The following CENPC variants were observed in gnomAD, a reference collection of about 807,000 sequenced individuals.
The protein encoded by CENPC is CENP-C 1.
A neutral mutation model predicts 112.1 loss-of-function variants in CENPC; 63 were observed. That is an observed-to-expected ratio of 0.56 (90% CI 0.46 to 0.69). The LOEUF is 0.69. Ranked by LOEUF, CENPC falls within the 30% of genes least tolerant of loss-of-function variation. The pLI, the probability that CENPC is intolerant of heterozygous loss-of-function variation, is 0.00. For synonymous variants in CENPC, 333 were observed against 367.6 expected, an observed-to-expected ratio of 0.91 and a Z score of 1.08; for missense variants, 1,000 against 1,103.8, an observed-to-expected ratio of 0.91 and a Z score of 1.33.
chr4:67,499,802 C>T (rs1314818462), intron 12 of CENPC, among the ~76,000 whole-genome samples: 1 of 152,216 alleles, frequency 6.6e-6, no homozygotes. Flanking sequence ...GCCTTCCTCA[C>T]TAAGCTTAAT....
At chr4:67,499,519 T>A (rs1473342962) in intron 12 of CENPC, among the ~76,000 whole-genome samples, 2 of 152,218 alleles carry the variant, frequency 1.3e-5, no homozygotes, top group Admixed American at 1.3e-4. Flanking sequence ...TTTCTTCTGC[T>A]GCTTCCTCAC....
chr4:67,508,919 G>C lies in CENPC; in HGVS notation c.1799C>G (p.Ser600Cys). The C allele has an allele frequency of 6.2e-7, 1 of 1,613,618 alleles. No individual in the cohort carries two copies. The highest frequency in any genetic ancestry group is 1.1e-5 in the South Asian group (1 of 91,070). ...RVQKFLNAEG[S>C]GGIVGHDEIS... is the part of the protein sequence containing the mutation. The stretch of plus-strand genomic sequence containing the variant: ...TTCATCATGACCAACGATACCTCCA[G>C]AACCTTCAGCATTTAAAAACTTCTG... Residue 600 changes from serine to cysteine, a missense_variant, in exon 10 of 19, where the codon TCT becomes TGT. Ser to Cys is a moderately radical substitution (Grantham distance 112). Transcript: ENST00000273853.
chr4:67,538,588 G>A (rs1726793609), intron 4 of CENPC, among the ~76,000 whole-genome samples: 1 of 152,198 alleles, frequency 6.6e-6, no homozygotes, highest in Non-Finnish European at 1.5e-5. Flanking sequence ...GAAGACCAAA[G>A]TGGTTAGAAT....
rs1356307594 is a variant in CENPC at position 67,492,246 on chromosome 4, G to A, written c.2449C>T (p.Pro817Ser). The change falls in exon 16 of 19, where the codon CCT (proline) becomes TCT (serine). Residue 817 changes from proline to serine, a missense_variant. By Grantham distance (74) the Pro-to-Ser change is moderately conservative. Transcript: ENST00000273853. ...GTTGGCTGCAAAGGATCTCCAAGAG[G>A]TATACCTAGATTTACCATTAAGTTA... The part of the protein sequence containing the change: ...KTNLMVNLGI[P>S]LGDPLQPTRV... 4 of 1,564,802 alleles carry A rather than the reference G, an allele frequency of 2.6e-6. No individual in the cohort carries two copies. The highest frequency in any genetic ancestry group is 3.5e-6 in the Non-Finnish European group (4 of 1,152,294).
intron 17 of CENPC, among the ~76,000 whole-genome samples, chr4:67,486,486 T>G (rs1725097527): frequency 6.6e-6 from 1 of 152,238 alleles, no homozygotes; most frequent in Non-Finnish European, 1.5e-5. Flanking sequence ...GGATCCAGGT[T>G]AGCACCACAT....
Position 67,533,060 on chromosome 4 carries a change from T to G in CENPC, c.232-2146A>C, listed in dbSNP as rs1426490862. Among the ~76,000 whole-genome samples the G allele has an allele frequency of 2.0e-5, 3 of 152,104 alleles. No homozygotes were observed. In the East Asian group the frequency reaches 5.8e-4, roughly 29 times the overall value. On this transcript the variant is annotated intron_variant, in intron 4 of 18. Transcript: ENST00000273853. ...ACACAGTATCAGCACAGTAGAGAAA[T>G]AAATAAATGACAGACTTACATGGTT...
intron 8 of CENPC, among the ~76,000 whole-genome samples, chr4:67,513,805 T>C (rs1232280799): frequency 6.6e-6 from 1 of 152,154 alleles, no homozygotes; most frequent in African/African-American, 2.4e-5. Context: ...TTCTGTCTTA[T>C]TCATCTTCCG....
In CENPC at chr4:67,514,447, A is replaced by G; in HGVS notation, c.1071T>C (p.Thr357=). The part of the protein sequence containing the change: ...REKHHNILPK[T]LANDKHSHKP... ...TATGGGAATGTTTGTCATTTGCCAAAGTCTTAGGTAATATATTATGATGCT... is the reference window on the plus strand; with the variant it reads ...TATGGGAATGTTTGTCATTTGCCAAGGTCTTAGGTAATATATTATGATGCT... Residue 357 remains threonine (T), a synonymous_variant, in exon 8 of 19, where the codon ACT becomes ACC. Transcript: ENST00000273853. 6.2e-7 allele frequency: 1 copy of G among 1,613,594 alleles called. No individual in the cohort carries two copies. Among genetic ancestry groups the G allele is most frequent in the Non-Finnish European group, 8.5e-7 (1 of 1,179,862 alleles).
At chr4:67,481,489 T>G (rs1724955491) in intron 17 of CENPC, among the ~76,000 whole-genome samples, 1 of 152,188 alleles carries the variant, frequency 6.6e-6, no homozygotes, top group Non-Finnish European at 1.5e-5. Flanking sequence ...GGCATCACAT[T>G]ACCTGACTTC....
chr4:67,519,648 TTAAAA>T lies in CENPC; in HGVS notation c.332-151_332-147del, dbSNP rs1200709060. 8.8e-5 allele frequency: 56 copies of T among 638,206 alleles called. 1 individual carries two copies. In the Admixed American group the frequency reaches 1.9e-3, roughly 22 times the overall value. 39.5% of individuals were successfully genotyped at this position (638,206 alleles called of 1,614,324 possible). On this transcript the variant is annotated intron_variant, in intron 5 of 18. Coordinates refer to ENST00000273853, the MANE Select transcript of CENPC (RefSeq NM_001812.4). The stretch of plus-strand genomic sequence containing the variant: ...TAAGATTAGAATCAAAGATCTATGA[TTAAAA>T]TAAGTAAGTACTTAAGATTCTTCTA...
chr4:67,476,076 G>A (rs150319952), intron 17 of CENPC, among the ~76,000 whole-genome samples: 63 of 152,264 alleles, frequency 4.1e-4, no homozygotes, highest in African/African-American at 1.4e-3. Flanking sequence ...TGTTTGTGGT[G>A]ATGCTGATGT....
intron 9 of CENPC, among the ~76,000 whole-genome samples, chr4:67,510,294 C>T (rs1171084415): frequency 6.6e-6 from 1 of 152,176 alleles, no homozygotes; most frequent in Non-Finnish European, 1.5e-5. Flanking sequence ...CATTCCATAA[C>T]TTCCTCCTTA....
intron 9 of CENPC, among the ~76,000 whole-genome samples, chr4:67,509,695 C>G (rs1440374639): frequency 1.3e-5 from 2 of 152,096 alleles, no homozygotes; most frequent in Non-Finnish European, 2.9e-5. Flanking sequence ...CCTTTCAAAT[C>G]TTTCAAGCTC....
chr4:67,490,940 A>G (rs1725243282), intron 16 of CENPC, among the ~76,000 whole-genome samples: 1 of 147,886 alleles, frequency 6.8e-6, no homozygotes, highest in Non-Finnish European at 1.5e-5. Context: ...ACAAATAAGA[A>G]ATGAACTTTT....
At chr4:67,497,382 A>C (rs1218435486) in intron 12 of CENPC, among the ~76,000 whole-genome samples, 1 of 152,164 alleles carries the variant, frequency 6.6e-6, no homozygotes, top group African/African-American at 2.4e-5. Flanking sequence ...CGTCTTAAAA[A>C]AAAATTTAAA....
At position 67,474,993 on chromosome 4, in the gene CENPC, A is replaced by C. The variant is rs1286164808; in HGVS notation, c.2671-15T>G. 5 of 1,389,674 alleles carry C rather than the reference A, an allele frequency of 3.6e-6. No individual in the cohort carries two copies. Among genetic ancestry groups the C allele is most frequent in the Non-Finnish European group, 4.9e-6 (5 of 1,016,228 alleles). 86.1% of individuals were successfully genotyped at this position (1,389,674 alleles called of 1,614,324 possible). Reference sequence around the variant, plus strand: ...ACATAAAAAACCTGTAAAAATAAAAATAAAAATCTCATTCAAAACTGAACC... The same window carrying C: ...ACATAAAAAACCTGTAAAAATAAAACTAAAAATCTCATTCAAAACTGAACC... On this transcript the variant is annotated splice_polypyrimidine_tract_variant and intron_variant, in intron 17 of 18. Coordinates refer to ENST00000273853, the MANE Select transcript of CENPC (RefSeq NM_001812.4).
In CENPC at chr4:67,512,873, TAAGTAA is replaced by T. The variant is rs369539097; in HGVS notation, c.1445-310_1445-305del. 6.5e-3 allele frequency among the ~76,000 whole-genome samples: 986 copies of T among 152,280 alleles called. 5 individuals carry two copies. The highest frequency in any genetic ancestry group is 0.012 in the Non-Finnish European group (786 of 68,012). ...AATACAGTTCCTTCCTATAACGTCC[TAAGTAA>T]AAGTAGGCAATTACTGCTTTCCTGT... On this transcript the variant is annotated intron_variant, in intron 8 of 18. Coordinates refer to ENST00000273853, the MANE Select transcript of CENPC (RefSeq NM_001812.4).
chr4:67,475,875 C>T (rs1724791441), intron 17 of CENPC, among the ~76,000 whole-genome samples: 2 of 152,166 alleles, frequency 1.3e-5, no homozygotes, highest in South Asian at 4.1e-4. Context: ...AGGTGTGAGC[C>T]ACCGCGCCCA....
At chr4:67,495,235 T>A (rs1560425315) in intron 12 of CENPC, 23 bp from the exon 13 acceptor site, 7 of 1,508,994 alleles carry the variant, frequency 4.6e-6, no homozygotes, top group East Asian at 2.5e-5. Flanking sequence ...AAAGATAATA[T>A]CATAAGAAAT....
Sources: gnomAD v4.1 joint callset for allele counts (sites outside exome capture counted in the v4.1 genomes callset) on GRCh38, gnomAD v4.1.1 for gene constraint, MANE v1.5 for transcripts, NCBI Gene and HGNC (gene_info 2026-07-23, HGNC 2026-07-21) for gene names.